Variants in NUP153 observed in about 807,000 individuals in gnomAD.
NUP153 encodes the protein nucleoporin 153, also known as nuclear pore complex protein Nup153.
A neutral mutation model predicts 134.6 loss-of-function variants in NUP153; 27 were observed. The observed-to-expected ratio is 0.20, with a 90% CI of 0.15 to 0.28. NUP153 has a LOEUF of 0.28. NUP153 is among the 10% of genes least tolerant of loss of function. NUP153 has a pLI of 1.00. For missense variants in NUP153, 1,821 were observed against 1,731.3 expected, an observed-to-expected ratio of 1.05 and a Z score of -0.92; for synonymous variants, 640 against 623.5, an observed-to-expected ratio of 1.03 and a Z score of -0.40.
At chr6:17,668,520 G>C (rs1173986889) in intron 8 of NUP153, among the ~76,000 whole-genome samples, 3 of 152,110 alleles carry the variant, frequency 2.0e-5, no homozygotes, top group Admixed American at 2.0e-4. Context: ...GAGGACTGCA[G>C]AAGAGAGTAA....
At chr6:17,700,579 C>T (rs1379817902) in intron 1 of NUP153, among the ~76,000 whole-genome samples, 3 of 152,116 alleles carry the variant, frequency 2.0e-5, no homozygotes, top group Admixed American at 2.0e-4. Context: ...AATATTCGAC[C>T]TCTAAATATC....
At chr6:17,642,598 T>C (rs773979604) in intron 14 of NUP153, among the ~76,000 whole-genome samples, 5 of 152,226 alleles carry the variant, frequency 3.3e-5, no homozygotes, top group South Asian at 4.1e-4. Flanking sequence ...TAATGTGACA[T>C]GGTTCAACTA....
Position 17,706,409 on chromosome 6 carries a change from C to T in NUP153, c.-22G>A, listed in dbSNP as rs369623420. On this transcript the variant is annotated 5_prime_UTR_variant, in exon 1 of 22. Transcript: ENST00000262077. This position sits in a 1 kb window ranked among gnomAD's most constrained non-coding sequence, Gnocchi z 5.9. ...CCATGGCGGAGCCTCCGCCGCTTCC[C>T]GCTCCGGGGCGGGTAAGGGGGCGGG... 8 of 1,590,482 alleles carry T rather than the reference C, an allele frequency of 5.0e-6. No homozygotes were observed. The highest frequency in any genetic ancestry group is 6.9e-6 in the Non-Finnish European group (8 of 1,163,700).
intron 20 of NUP153, among the ~76,000 whole-genome samples, chr6:17,622,485 TTC>T (rs1764693214): frequency 6.6e-6 from 1 of 152,146 alleles, no homozygotes; most frequent in Non-Finnish European, 1.5e-5. Context: ...AAAAAGGATT[TTC>T]TAACATCTTT....
chr6:17,645,973 C>T, intron 14 of NUP153, 94 bp downstream of exon 14: 1 of 491,642 alleles, frequency 2.0e-6, no homozygotes, highest in Admixed American at 3.8e-5. Context: ...CAAATGAAGG[C>T]ATTTATAAGA....
chr6:17,672,804 C>T (rs1037159900), intron 5 of NUP153, among the ~76,000 whole-genome samples: 1 of 152,070 alleles, frequency 6.6e-6, no homozygotes, highest in Non-Finnish European at 1.5e-5. Context: ...CGTAGTAAGA[C>T]TCCTACCTTT....
chr6:17,682,178 C>A (rs1053568784), intron 2 of NUP153, among the ~76,000 whole-genome samples: 1 of 151,988 alleles, frequency 6.6e-6, no homozygotes, highest in Non-Finnish European at 1.5e-5. Context: ...GTTATGTTTA[C>A]ACTACACTAT....
chr6:17,657,421 A>C (rs946108834), intron 11 of NUP153, among the ~76,000 whole-genome samples: 2 of 147,002 alleles, frequency 1.4e-5, no homozygotes, highest in African/African-American at 5.0e-5. Context: ...AAAAATAGCT[A>C]GCCTTGGTGG....
At chr6:17,700,442 A>G (rs1769980313) in intron 1 of NUP153, among the ~76,000 whole-genome samples, 1 of 152,220 alleles carries the variant, frequency 6.6e-6, no homozygotes, top group Non-Finnish European at 1.5e-5. Context: ...CCTAACAACT[A>G]TCCTATCAAC....
chr6:17,629,434 C>T lies in NUP153; in HGVS notation c.2765G>A (p.Gly922Glu), dbSNP rs568832274. ...TCCCTGATCTCCAAATTTAAAATTT[C>T]CAGTGCTTGTTAAAGTCTGAGAAGG... is the stretch of plus-strand genomic sequence containing the variant. Reference protein sequence around the residue: ...SGPSQTLTSTGNFKFGDQGGF... With the variant: ...SGPSQTLTSTENFKFGDQGGF... Residue 922 changes from glycine to glutamate, a missense_variant, in exon 18 of 22, where the codon GGA (glycine) becomes GAA (glutamate). Coordinates refer to ENST00000262077, the MANE Select transcript of NUP153 (RefSeq NM_005124.4). The T allele has an allele frequency of 1.2e-6, 2 of 1,614,026 alleles. No homozygotes were observed. Among genetic ancestry groups the T allele is most frequent in the Admixed American group, 1.7e-5 (1 of 60,010 alleles).
At chr6:17,616,290 G>GGGGGGGGGGGGGGGGGGGCCCC in intron 21 of NUP153, 109 bp from the exon 22 acceptor site, 1 of 473,884 alleles carries the variant, frequency 2.1e-6, no homozygotes, top group Non-Finnish European at 3.9e-6. Flanking sequence ...GGTGGGGGGG[G>GGGGGGGGGGGGGGGGGGGCCCC]AGTAGACTCA....
intron 14 of NUP153, among the ~76,000 whole-genome samples, chr6:17,645,176 G>A (rs1029608400): frequency 1.6e-4 from 24 of 151,198 alleles, no homozygotes; most frequent in Non-Finnish European, 2.8e-4. Flanking sequence ...TCGGGAGGCA[G>A]AGGTTGCAGT....
In NUP153 at chr6:17,651,897, C is replaced by T. The variant is rs1581706041; in HGVS notation, c.1396-2597G>A. 6 of 677,290 alleles carry T rather than the reference C, an allele frequency of 8.9e-6. No homozygotes were observed. In the East Asian group the frequency reaches 1.6e-4, roughly 18 times the overall value. The allele number at this position is 677,290 out of a possible 1,614,324, so 42.0% of individuals were successfully genotyped here. On this transcript the variant is annotated intron_variant, in intron 11 of 21. Coordinates refer to ENST00000262077, the MANE Select transcript of NUP153 (RefSeq NM_005124.4). Reference sequence around the variant, plus strand: ...TCGCTTGAGCGCAGGAGCTCGAGATCAGCTTGGGCAATACGGTGAGACCTT... The same window carrying T: ...TCGCTTGAGCGCAGGAGCTCGAGATTAGCTTGGGCAATACGGTGAGACCTT...
At chr6:17,672,900 G>C (rs1186911293) in intron 5 of NUP153, among the ~76,000 whole-genome samples, 3 of 151,992 alleles carry the variant, frequency 2.0e-5, no homozygotes. Context: ...TACTCAAAAT[G>C]AATCATAGGC....
intron 1 of NUP153, among the ~76,000 whole-genome samples, chr6:17,694,206 A>G (rs1769478928): frequency 6.6e-6 from 1 of 152,182 alleles, no homozygotes; most frequent in African/African-American, 2.4e-5. Flanking sequence ...AATGCTTGAC[A>G]TGTGGTATGT....
At chr6:17,692,157 C>G (rs1370387361) in intron 1 of NUP153, among the ~76,000 whole-genome samples, 1 of 152,194 alleles carries the variant, frequency 6.6e-6, no homozygotes, top group Non-Finnish European at 1.5e-5. Context: ...TCAAAAACAA[C>G]TGGAAAACAT....
At position 17,637,437 on chromosome 6, in the gene NUP153, T is replaced by A. The variant is rs1271430860; in HGVS notation, c.2180A>T (p.Asp727Val). Residue 727 changes from aspartate to valine, a missense_variant, in exon 16 of 22, where the codon GAT becomes GTT. Transcript: ENST00000262077. ...DKFKPVIGTW[D>V]CDTCLVQNKP... Reference sequence around the variant, plus strand: ...ATTTTGCACTAAACAGGTATCACAATCCCAAGTGCCTATCACTGGTTTAAA... The same window carrying A: ...ATTTTGCACTAAACAGGTATCACAAACCCAAGTGCCTATCACTGGTTTAAA... The A allele has an allele frequency of 3.1e-6, 5 of 1,614,102 alleles. No individual in the cohort carries two copies. The African/African-American group carries it at 6.7e-5, about 22-fold the overall frequency.
At chr6:17,654,025 T>C (rs1766660023) in intron 11 of NUP153, among the ~76,000 whole-genome samples, 1 of 152,172 alleles carries the variant, frequency 6.6e-6, no homozygotes, top group South Asian at 2.1e-4. Flanking sequence ...GATGGACAGG[T>C]AAATTTTTCT....
At chr6:17,619,302 C>T (rs1358128873) in intron 20 of NUP153, among the ~76,000 whole-genome samples, 1 of 152,210 alleles carries the variant, frequency 6.6e-6, no homozygotes, top group African/African-American at 2.4e-5. Context: ...TGTATGGCCT[C>T]AATGTTTTCC....
Sources: allele counts gnomAD v4.1 joint callset (sites outside exome capture counted in the v4.1 genomes callset), GRCh38; gene constraint gnomAD v4.1.1; non-coding constraint Gnocchi (gnomAD v3.1); transcripts MANE v1.5; gene names NCBI Gene and HGNC (gene_info 2026-07-23, HGNC 2026-07-21).